Variants in MUSK observed in about 807,000 individuals in gnomAD.
MUSK encodes the protein muscle, skeletal receptor tyrosine-protein kinase.
MUSK carries 55 observed loss-of-function variants against 88.7 expected under a neutral mutation model. The ratio of observed to expected loss-of-function variants is 0.62; its 90% confidence interval spans 0.50 to 0.78. The LOEUF (loss-of-function observed/expected upper bound fraction) is 0.78, where lower values mean the gene tolerates loss of function less well. Ranked by LOEUF, MUSK falls within the 30% of genes least tolerant of loss-of-function variation. The probability of loss-of-function intolerance (pLI) is 0.00; values close to 1 mark genes in which losing one functional copy is unlikely to be tolerated. For synonymous variants in MUSK, 387 were observed against 391.9 expected (o/e 0.99, Z 0.15); for missense variants, 1,015 against 1,074.3 (o/e 0.94, Z 0.77).
intron 13 of MUSK, among the ~76,000 whole-genome samples, chr9:110,787,449 T>C (rs954392115): frequency 3.3e-5 from 5 of 151,506 alleles, no homozygotes; most frequent in Admixed American, 6.6e-5. Flanking sequence ...TTGTAAATAA[T>C]GCATCTTTCA....
In MUSK at chr9:110,719,164, AAACAACAAC is replaced by A. The variant is rs374439212; in HGVS notation, c.629-15072_629-15064del. ...GACCTATATAACAGTAACACAATGA[AAACAACAAC>A]AACAACAACAACAAGGTATTCAGGC... On this transcript the variant is annotated intron_variant, in intron 5 of 14. Coordinates refer to ENST00000374448, the MANE Select transcript of MUSK (RefSeq NM_005592.4). 9.2e-5 allele frequency among the ~76,000 whole-genome samples: 14 copies of A among 152,040 alleles called. No individual in the cohort carries two copies. In the South Asian group the frequency reaches 2.7e-3, roughly 29 times the overall value.
intron 7 of MUSK, among the ~76,000 whole-genome samples, chr9:110,759,329 C>A (rs1430531604): frequency 6.6e-6 from 1 of 152,164 alleles, no homozygotes; most frequent in Non-Finnish European, 1.5e-5. Context: ...CAAAAATCAA[C>A]TCAAGATGGA....
chr9:110,698,032 G>A (rs758062166), intron 5 of MUSK, among the ~76,000 whole-genome samples: 12 of 152,086 alleles, frequency 7.9e-5, no homozygotes, highest in Admixed American at 2.6e-4. Flanking sequence ...CAATAACTTG[G>A]TGTGAAAGGT....
intron 8 of MUSK, 87 bp downstream of exon 8, chr9:110,762,295 G>C: frequency 9.4e-7 from 1 of 1,060,634 alleles, no homozygotes; most frequent in East Asian, 2.8e-5. Context: ...AGAGGGTCTT[G>C]TGTTGCCCAG....
At chr9:110,781,484 G>A (rs954514782) in intron 11 of MUSK, among the ~76,000 whole-genome samples, 1 of 152,136 alleles carries the variant, frequency 6.6e-6, no homozygotes, top group Middle Eastern at 3.2e-3. Flanking sequence ...CACCGTGTTA[G>A]CCAGGATGGT....
Position 110,734,344 on chromosome 9 carries a change from C to G in MUSK, c.722C>G (p.Pro241Arg), listed in dbSNP as rs1352295628. 7 of 1,613,144 alleles carry G rather than the reference C, an allele frequency of 4.3e-6. No individual in the cohort carries two copies. The highest frequency in any genetic ancestry group is 5.9e-6 in the Non-Finnish European group (7 of 1,179,456). Residue 241 changes from proline to arginine, a missense_variant, in exon 6 of 15, where the codon CCC becomes CGC. Transcript: ENST00000374448. Reference protein sequence around the residue: ...LHCTATGIPVPTITWIENGNA... With the variant: ...LHCTATGIPVRTITWIENGNA... The stretch of plus-strand genomic sequence containing the variant: ...TGTACAGCAACAGGCATTCCTGTCC[C>G]CACCATCACCTGGATTGAAAACGGA...
chr9:110,735,457 G>A (rs976509772), intron 6 of MUSK, among the ~76,000 whole-genome samples: 3 of 152,030 alleles, frequency 2.0e-5, no homozygotes, highest in Non-Finnish European at 4.4e-5. Flanking sequence ...AAATAAACCA[G>A]ACACAGCAAG....
At chr9:110,730,993 A>G (rs1174647031) in intron 5 of MUSK, among the ~76,000 whole-genome samples, 1 of 152,038 alleles carries the variant, frequency 6.6e-6, no homozygotes, top group Non-Finnish European at 1.5e-5. Context: ...TCTTAGATGC[A>G]AGAGAGCTGG....
intron 7 of MUSK, 185 bp from the exon 8 acceptor site, chr9:110,762,017 T>G (rs1588005292): frequency 1.1e-6 from 1 of 893,332 alleles, no homozygotes; most frequent in South Asian, 5.2e-5. Flanking sequence ...ATTTTCTTCA[T>G]TTCCTCCGAA....
chr9:110,727,452 G>C (rs748926427), intron 5 of MUSK: 1 of 152,046 alleles, frequency 6.6e-6, no homozygotes, highest in Non-Finnish European at 1.5e-5. Flanking sequence ...TCTCCAATCA[G>C]AAGTTCTTTG....
At chr9:110,800,235 G>T in intron 14 of MUSK, 71 bp from the exon 15 acceptor site, 15 of 1,333,058 alleles carry the variant, frequency 1.1e-5, no homozygotes, top group East Asian at 2.3e-5. Context: ...ATGGTCGTTT[G>T]CTTTTGGAGT....
At chr9:110,757,954 G>A (rs2077348032) in intron 7 of MUSK, among the ~76,000 whole-genome samples, 1 of 152,130 alleles carries the variant, frequency 6.6e-6, no homozygotes, top group Non-Finnish European at 1.5e-5. Flanking sequence ...AGATGTAATT[G>A]ATAAAGGTTT....
chr9:110,673,990 GTAAT>G (rs1443492672), intron 1 of MUSK, among the ~76,000 whole-genome samples: 1 of 151,734 alleles, frequency 6.6e-6, no homozygotes, highest in Non-Finnish European at 1.5e-5. Flanking sequence ...TATATTATTA[GTAAT>G]CTTCCAAACG....
At chr9:110,670,309 G>A (rs554308315) in intron 1 of MUSK, among the ~76,000 whole-genome samples, 5 of 152,238 alleles carry the variant, frequency 3.3e-5, no homozygotes, top group East Asian at 1.9e-4. Flanking sequence ...ATCAAACAAC[G>A]GATGTCCGGT....
intron 6 of MUSK, among the ~76,000 whole-genome samples, 196 bp from the exon 7 acceptor site, chr9:110,747,445 A>G (rs1310563272): frequency 6.6e-6 from 1 of 152,200 alleles, no homozygotes; most frequent in Non-Finnish European, 1.5e-5. Flanking sequence ...TATGGAGGAA[A>G]ATGCTACTTC....
intron 4 of MUSK, 67 bp downstream of exon 4, chr9:110,695,597 C>A: frequency 8.2e-7 from 1 of 1,219,774 alleles, no homozygotes; most frequent in Non-Finnish European, 1.1e-6. Context: ...TCTTTACACA[C>A]TCAGTTACAC....
At chr9:110,778,813 ATTGT>A (rs1329236975) in intron 11 of MUSK, among the ~76,000 whole-genome samples, 1 of 152,072 alleles carries the variant, frequency 6.6e-6, no homozygotes, top group Non-Finnish European at 1.5e-5. Flanking sequence ...AGCTTAACTG[ATTGT>A]TTAACTGATT....
intron 14 of MUSK, among the ~76,000 whole-genome samples, chr9:110,788,716 A>C (rs567249212): frequency 1.3e-5 from 2 of 152,080 alleles, no homozygotes; most frequent in African/African-American, 4.8e-5. Context: ...AAAAAAAACA[A>C]AAATATGGGA....
chr9:110,713,765 C>T (rs1187310253), intron 5 of MUSK, among the ~76,000 whole-genome samples: 4 of 152,094 alleles, frequency 2.6e-5, no homozygotes, highest in Admixed American at 1.3e-4. Context: ...ATTTTTCCAA[C>T]TAAAATTTCC....
Sources: allele counts gnomAD v4.1 joint callset (sites outside exome capture counted in the v4.1 genomes callset), GRCh38; gene constraint gnomAD v4.1.1; transcripts MANE v1.5; gene names NCBI Gene and HGNC (gene_info 2026-07-23, HGNC 2026-07-21).